FNIP1: variants seen among roughly 807,000 people sequenced by gnomAD.
FNIP1 encodes the protein folliculin-interacting protein 1.
FNIP1 carries 40 observed loss-of-function variants against 124.5 expected under a neutral mutation model. The observed-to-expected ratio is 0.32, with a 90% CI of 0.25 to 0.42. The LOEUF is 0.42. FNIP1 is among the 10% of genes least tolerant of loss of function. The probability of loss-of-function intolerance (pLI) is 1.00; values close to 1 mark genes in which losing one functional copy is unlikely to be tolerated. For missense variants in FNIP1, 1,176 were observed against 1,403.7 expected (o/e 0.84, Z 2.59); for synonymous variants, 472 against 470.6 (o/e 1.00, Z -0.04).
rs746376483 is a variant in FNIP1, at chr5:131,651,977, A to G, written c.3131T>C (p.Ile1044Thr). 3.1e-6 allele frequency: 5 copies of G among 1,613,582 alleles called. No homozygotes were observed. Among genetic ancestry groups the G allele is most frequent in the East Asian group, 2.2e-5 (1 of 44,874 alleles). ...AVQHPVLDEP[I>T]AEAVCIIADM... The stretch of plus-strand genomic sequence containing the variant: ...AGCTATAATACAGACAGCTTCTGCT[A>G]TTGGTTCATCCAAAACTGGATGCTG... Residue 1044 changes from isoleucine to threonine, a missense_variant, in exon 16 of 18, where the codon ATA becomes ACA. Physicochemically the swap from Ile to Thr is moderately conservative, Grantham distance 89. This residue lies in a region of FNIP1 where 1,109 missense variants were observed against 1,288.5 expected (regional missense o/e 0.86). Transcript: ENST00000510461.
At chr5:131,791,376 CACT>C (rs1292876221) in intron 1 of FNIP1, among the ~76,000 whole-genome samples, 1 of 152,132 alleles carries the variant, frequency 6.6e-6, no homozygotes, top group Non-Finnish European at 1.5e-5. Context: ...CACCTGAAAT[CACT>C]ACAAGTGGGG....
intron 11 of FNIP1, among the ~76,000 whole-genome samples, chr5:131,680,104 C>T (rs1768033991): frequency 6.6e-6 from 1 of 152,180 alleles, no homozygotes; most frequent in South Asian, 2.1e-4. Context: ...GAACACATGA[C>T]ATGTGACCAG....
chr5:131,673,214 A>AT (rs1767820184), intron 13 of FNIP1, among the ~76,000 whole-genome samples: 1 of 150,126 alleles, frequency 6.7e-6, no homozygotes, highest in African/African-American at 2.5e-5. Context: ...TGCCTGGCTA[A>AT]TTTTTTGTAT....
chr5:131,722,380 A>G (rs946891016), intron 3 of FNIP1, among the ~76,000 whole-genome samples: 1 of 152,192 alleles, frequency 6.6e-6, no homozygotes, highest in Non-Finnish European at 1.5e-5. Context: ...AGAGTGTCCC[A>G]ATACCATTCT....
chr5:131,660,899 C>T (rs1190924167), intron 15 of FNIP1, among the ~76,000 whole-genome samples: 1 of 152,234 alleles, frequency 6.6e-6, no homozygotes, highest in African/African-American at 2.4e-5. Flanking sequence ...CAACACACTG[C>T]TGACCCATGG....
chr5:131,759,487 A>G (rs1771155236), intron 1 of FNIP1, among the ~76,000 whole-genome samples: 1 of 152,210 alleles, frequency 6.6e-6, no homozygotes, highest in South Asian at 2.1e-4. Flanking sequence ...GCCAACAAAC[A>G]TGAAAAAATG....
At chr5:131,746,480 T>C (rs1770685131) in intron 1 of FNIP1, among the ~76,000 whole-genome samples, 1 of 152,204 alleles carries the variant, frequency 6.6e-6, no homozygotes. Context: ...CTTATGTCCA[T>C]GAGTATCCAA....
At chr5:131,732,344 T>G (rs1403843458) in intron 2 of FNIP1, among the ~76,000 whole-genome samples, 1 of 152,164 alleles carries the variant, frequency 6.6e-6, no homozygotes, top group South Asian at 2.1e-4. Flanking sequence ...AACCAAAAAT[T>G]TAAAGTAAAA....
At position 131,672,256 on chromosome 5, in the gene FNIP1, C is replaced by T; in HGVS notation, c.2188G>A (p.Glu730Lys). ...ACAATCTTATCTGGAGGTTTTTTTT[C>T]CACAACCATTCCTGTGGATCTCATT... ...KAMRSTGMVV[E>K]KKPPDKIVPA... Residue 730 changes from glutamate (E) to lysine (K), a missense_variant, in exon 14 of 18, where the codon GAA (glutamate) becomes AAA (lysine). Physicochemically the swap from Glu to Lys is moderately conservative, Grantham distance 56. Transcript: ENST00000510461. 6.2e-7 allele frequency: 1 copy of T among 1,614,028 alleles called. No homozygotes were observed. The highest frequency in any genetic ancestry group is 8.5e-7 in the Non-Finnish European group (1 of 1,179,976).
In FNIP1 at chr5:131,796,615, G is replaced by C. The variant is rs967105427; in HGVS notation, c.92+215C>G. On this transcript the variant is annotated intron_variant, in intron 1 of 17. Coordinates refer to ENST00000510461, the MANE Select transcript of FNIP1 (RefSeq NM_133372.3). ...AACAAACCGACGGGAGGAGGGGGAA[G>C]GGGCAACGGCGAGGCGGGTGGGGTA... 22 of 566,510 alleles carry C rather than the reference G, an allele frequency of 3.9e-5. 1 individual carries two copies. The highest frequency in any genetic ancestry group is 1.2e-4 in the African/African-American group (6 of 50,476). 35.1% of individuals were successfully genotyped at this position (566,510 alleles called of 1,614,324 possible).
intron 2 of FNIP1, among the ~76,000 whole-genome samples, chr5:131,742,112 T>A (rs1469691293): frequency 2.0e-5 from 3 of 152,212 alleles, no homozygotes; most frequent in Non-Finnish European, 4.4e-5. Flanking sequence ...ACTTTCTGTT[T>A]ATAACTCATG....
chr5:131,777,127 A>G (rs1020400868), intron 1 of FNIP1, among the ~76,000 whole-genome samples: 1 of 151,820 alleles, frequency 6.6e-6, no homozygotes, highest in African/African-American at 2.4e-5. Context: ...ATTATTCTGA[A>G]GCTACTATAC....
chr5:131,796,880 G>A lies in FNIP1; in HGVS notation c.42C>T (p.Thr14=). ...TLFQKLFSKR[T]GLGAPGRDAR... ...CGTCGCGGCCGGGCGCGCCCAGCCCGGTCCTCTTGCTGAAGAGCTTCTGGA... is the reference window on the plus strand; with the variant it reads ...CGTCGCGGCCGGGCGCGCCCAGCCCAGTCCTCTTGCTGAAGAGCTTCTGGA... Residue 14 remains threonine, a synonymous_variant, in exon 1 of 18, where the codon ACC becomes ACT. Transcript: ENST00000510461. The A allele has an allele frequency of 6.2e-7, 1 of 1,608,904 alleles. No individual in the cohort carries two copies. The highest frequency in any genetic ancestry group is 8.5e-7 in the Non-Finnish European group (1 of 1,178,308).
intron 11 of FNIP1, among the ~76,000 whole-genome samples, 185 bp from the exon 12 acceptor site, chr5:131,679,360 A>G (rs1768005593): frequency 6.6e-6 from 1 of 152,104 alleles, no homozygotes; most frequent in Admixed American, 6.6e-5. Flanking sequence ...TGTTCTCAAA[A>G]TATGTTGGTT....
intron 11 of FNIP1, among the ~76,000 whole-genome samples, chr5:131,684,880 T>C (rs1768219122): frequency 6.6e-6 from 1 of 152,160 alleles, no homozygotes; most frequent in South Asian, 2.1e-4. Flanking sequence ...TAACTGCAAG[T>C]TCAAGGGCAA....
At chr5:131,688,875 A>G (rs1768378423) in intron 11 of FNIP1, among the ~76,000 whole-genome samples, 1 of 151,970 alleles carries the variant, frequency 6.6e-6, no homozygotes, top group African/African-American at 2.4e-5. Flanking sequence ...CTGTGGTACA[A>G]TTACAAAAGT....
intron 1 of FNIP1, among the ~76,000 whole-genome samples, chr5:131,753,425 G>A (rs1052133337): frequency 5.3e-5 from 8 of 152,046 alleles, no homozygotes; most frequent in African/African-American, 1.9e-4. Context: ...GAAATACCAA[G>A]GAATGAATTA....
intron 1 of FNIP1, among the ~76,000 whole-genome samples, chr5:131,789,146 T>G (rs1402287801): frequency 6.6e-6 from 1 of 152,174 alleles, no homozygotes; most frequent in East Asian, 1.9e-4. Flanking sequence ...GACATGATGC[T>G]AAGTGAAATT....
At chr5:131,788,547 C>T (rs1218322896) in intron 1 of FNIP1, among the ~76,000 whole-genome samples, 1 of 151,676 alleles carries the variant, frequency 6.6e-6, no homozygotes, top group Non-Finnish European at 1.5e-5. Flanking sequence ...AACACAAATA[C>T]AAAAATTTTT....
Sources: gnomAD v4.1 joint callset for allele counts (sites outside exome capture counted in the v4.1 genomes callset) on GRCh38, gnomAD v4.1.1 for gene constraint, gnomAD v4.1.1 regional missense constraint, MANE v1.5 for transcripts, NCBI Gene and HGNC (gene_info 2026-07-23, HGNC 2026-07-21) for gene names.